The following PDXDC1 variants were observed in gnomAD, a reference collection of about 807,000 sequenced individuals.
PDXDC1 encodes pyridoxal-dependent decarboxylase domain-containing protein 1.
PDXDC1 carries 42 observed loss-of-function variants against 100.1 expected under a neutral mutation model. The observed-to-expected ratio is 0.42, with a 90% CI of 0.33 to 0.54. PDXDC1 has a LOEUF of 0.54. PDXDC1 is among the 20% of genes least tolerant of loss of function. PDXDC1 has a pLI of 0.10. For missense variants in PDXDC1, 636 were observed against 979.2 expected, an observed-to-expected ratio of 0.65 and a Z score of 4.68; for synonymous variants, 260 against 371.7, an observed-to-expected ratio of 0.70 and a Z score of 3.46.
intron 1 of PDXDC1, among the ~76,000 whole-genome samples, chr16:14,986,785 T>C (rs1318683080): frequency 6.6e-6 from 1 of 152,290 alleles, no homozygotes; most frequent in African/African-American, 2.4e-5. Context: ...CTTGCTCTGC[T>C]GCCCAGGCTA....
chr16:14,999,487 T>G (rs1972696714), intron 3 of PDXDC1, among the ~76,000 whole-genome samples: 1 of 152,232 alleles, frequency 6.6e-6, no homozygotes, highest in South Asian at 2.1e-4. Context: ...GGCAGGAGGA[T>G]GGCTTGAGTC....
the PDXDC1 span, among the ~76,000 whole-genome samples, chr16:15,150,240 C>G: frequency 6.6e-6 from 1 of 151,882 alleles, no homozygotes; most frequent in Non-Finnish European, 1.5e-5. Flanking sequence ...ACTCAGGAGG[C>G]TGAGGCAGGA....
At chr16:15,020,975 A>AACACACACACACACAC (rs66850292) in intron 12 of PDXDC1, among the ~76,000 whole-genome samples, 108 of 145,910 alleles carry the variant, frequency 7.4e-4, no homozygotes, top group Admixed American at 4.2e-3. Context: ...GCACCATCTA[A>AACACACACACACACAC]ACACACACAC....
rs1216499420 is a variant in PDXDC1, at chr16:15,036,577, C to T, written c.*302C>T. On this transcript the variant is annotated 3_prime_UTR_variant, in exon 23 of 23. Coordinates refer to ENST00000396410, the MANE Select transcript of PDXDC1 (RefSeq NM_015027.4). ...AGTGTCTACCAGTAGCACCCTTGCT[C>T]TTTCTAAACATAAGCCTAAGTATAT... 4.7e-6 allele frequency: 2 copies of T among 422,310 alleles called. No individual in the cohort carries two copies. Among genetic ancestry groups the T allele is most frequent in the South Asian group, 3.4e-5 (1 of 29,848 alleles). 26.2% of individuals were successfully genotyped at this position (422,310 alleles called of 1,614,324 possible).
intron 16 of PDXDC1, chr16:15,108,285 T>G (rs2046886870): frequency 2.1e-6 from 2 of 931,244 alleles, no homozygotes; most frequent in South Asian, 1.0e-4. Flanking sequence ...ATACTTGGTT[T>G]TATAGGAAGG....
rs1157814426 is a variant in PDXDC1 at position 15,123,639 on chromosome 16, CTT to C, written c.1400-15239_1400-15238del. Reference sequence around the variant, plus strand: ...GGTACATTTACAAAAATTAACCTGACTTATTTTGTTCCAGCAAATCTCAATAT... The same window carrying C: ...GGTACATTTACAAAAATTAACCTGACATTTTGTTCCAGCAAATCTCAATAT... On this transcript the variant is annotated intron_variant, in intron 16 of 16. Transcript: ENST00000535621. The C allele has an allele frequency of 8.7e-6, 5 of 572,942 alleles. No homozygotes were observed. The African/African-American group carries it at 1.1e-4, about 13-fold the overall frequency. The allele number at this position is 572,942 out of a possible 1,614,324, so 35.5% of individuals were successfully genotyped here.
chr16:15,022,890 C>G (rs1275889840), intron 13 of PDXDC1, 136 bp downstream of exon 13: 1 of 770,060 alleles, frequency 1.3e-6, no homozygotes. Flanking sequence ...AAAAACAAAA[C>G]AAAAAAACGA....
chr16:15,125,444 C>A (rs1421601085), intron 16 of PDXDC1: 4 of 865,170 alleles, frequency 4.6e-6, no homozygotes, highest in Non-Finnish European at 7.9e-6. Flanking sequence ...CGTGGTGTGA[C>A]CACATGGAGC....
chr16:15,015,082 C>T (rs558591091), intron 8 of PDXDC1, among the ~76,000 whole-genome samples: 6 of 152,372 alleles, frequency 3.9e-5, no homozygotes, highest in Middle Eastern at 3.4e-3. Context: ...GGACTATAGG[C>T]GCCCACCACT....
chr16:15,078,704 T>A (rs1051761299), intron 16 of PDXDC1, among the ~76,000 whole-genome samples: 2 of 151,906 alleles, frequency 1.3e-5, no homozygotes, highest in East Asian at 1.9e-4. Flanking sequence ...CAGGTCCCCA[T>A]CTGCAGCCAC....
At chr16:15,136,275 C>T in intron 16 of PDXDC1, 1 of 612,748 alleles carries the variant, frequency 1.6e-6, no homozygotes, top group Middle Eastern at 4.4e-4. Context: ...GGGCCCACCA[C>T]CCCAGGCTCA....
intron 16 of PDXDC1, among the ~76,000 whole-genome samples, chr16:15,122,577 T>C (rs531229955): frequency 6.7e-6 from 1 of 148,520 alleles, no homozygotes; most frequent in Admixed American, 6.8e-5. Flanking sequence ...CTCACACAGG[T>C]GGACTGATGG....
intron 13 of PDXDC1, among the ~76,000 whole-genome samples, chr16:15,023,868 T>C (rs1262492365): frequency 6.6e-6 from 1 of 152,286 alleles, no homozygotes; most frequent in Non-Finnish European, 1.5e-5. Context: ...CCTGTGACAT[T>C]GAGTCATTTT....
intron 15 of PDXDC1, 88 bp from the exon 16 acceptor site, chr16:15,029,863 T>C: frequency 8.1e-7 from 1 of 1,230,732 alleles, no homozygotes; most frequent in South Asian, 1.3e-5. Flanking sequence ...AGGAGGCTCT[T>C]TGGTCTGGGG....
downstream of PDXDC1, among the ~76,000 whole-genome samples, chr16:15,143,346 G>A (rs2048504051): frequency 6.6e-6 from 1 of 152,192 alleles, no homozygotes; most frequent in African/African-American, 2.4e-5. Context: ...CAGGCCTGGA[G>A]GCTGCCCCTC....
chr16:14,978,331 T>C (rs1218795661), intron 1 of PDXDC1, among the ~76,000 whole-genome samples: 9 of 152,280 alleles, frequency 5.9e-5, no homozygotes, highest in African/African-American at 2.2e-4. Context: ...CCACAGGAAG[T>C]AATCACTATA....
intron 3 of PDXDC1, among the ~76,000 whole-genome samples, chr16:14,999,210 GCACC>G (rs1972628938): frequency 6.6e-6 from 1 of 152,274 alleles, no homozygotes. Flanking sequence ...GGGATTATAG[GCACC>G]CACCACCACG....
chr16:15,125,372 C>G (rs1255016493), intron 16 of PDXDC1: 1 of 720,306 alleles, frequency 1.4e-6, no homozygotes, highest in African/African-American at 1.8e-5. Context: ...GTGTCACACA[C>G]ACAGCCCACC....
At chr16:15,135,993 G>A (rs2048331313) in intron 16 of PDXDC1, 2 of 1,547,186 alleles carry the variant, frequency 1.3e-6, no homozygotes, top group East Asian at 2.3e-5. Flanking sequence ...CGAGCCAGAT[G>A]CAGTGCTCGG....
Sources: allele counts gnomAD v4.1 joint callset (sites outside exome capture counted in the v4.1 genomes callset), GRCh38; gene constraint gnomAD v4.1.1; transcripts MANE v1.5; gene names NCBI Gene and HGNC (gene_info 2026-07-23, HGNC 2026-07-21).